Variants in IL18R1 observed in about 807,000 individuals in gnomAD.
IL18R1 encodes the protein interleukin 18 receptor 1.
Under a neutral mutation model 48.5 loss-of-function variants are expected in IL18R1, and 40 were observed. The ratio of observed to expected loss-of-function variants is 0.82; its 90% CI spans 0.64 to 1.07. The LOEUF is 1.07. Ranked by LOEUF, IL18R1 falls within the 50% of genes least tolerant of loss-of-function variation. The probability of loss-of-function intolerance (pLI) is 0.00; values close to 1 mark genes in which losing one functional copy is unlikely to be tolerated. For synonymous variants in IL18R1, 232 were observed against 225.9 expected (o/e 1.03, Z -0.24); for missense variants, 596 against 633.7 (o/e 0.94, Z 0.64).
intron 5 of IL18R1, among the ~76,000 whole-genome samples, chr2:102,380,885 G>T (rs539007353): frequency 6.6e-6 from 1 of 152,350 alleles, no homozygotes; most frequent in South Asian, 2.1e-4. Context: ...GGATATCAGG[G>T]CTAACAATAA....
intron 6 of IL18R1, among the ~76,000 whole-genome samples, chr2:102,383,354 C>G (rs1680026387): frequency 6.6e-6 from 1 of 152,156 alleles, no homozygotes; most frequent in African/African-American, 2.4e-5. Flanking sequence ...AATCTTTTAT[C>G]TGCTTGTTCC....
rs1043692242 is a variant in IL18R1 at position 102,372,972 on chromosome 2, C to T, written c.468+854C>T. 3.9e-5 allele frequency among the ~76,000 whole-genome samples: 6 copies of T among 152,236 alleles called. No individual in the cohort carries two copies. In the East Asian group the frequency reaches 7.7e-4, roughly 20 times the overall value. On this transcript the variant is annotated intron_variant, in intron 4 of 10. Transcript: ENST00000233957. ...TTTTTCCTCACACTATCAAACTTGT[C>T]TCCAGGGAGCTCTGCCAATTTTACC...
At chr2:102,365,976 TA>T (rs1678871224) in intron 2 of IL18R1, among the ~76,000 whole-genome samples, 1 of 152,196 alleles carries the variant, frequency 6.6e-6, no homozygotes, top group African/African-American at 2.4e-5. Flanking sequence ...TTTTTCCTCT[TA>T]GGCCTCTGGG....
chr2:102,371,330 A>G (rs1679247815), intron 3 of IL18R1, among the ~76,000 whole-genome samples: 1 of 152,218 alleles, frequency 6.6e-6, no homozygotes, highest in African/African-American at 2.4e-5. Context: ...TGGCCTAGTG[A>G]TAGTCCTGAT....
At chr2:102,360,738 G>A (rs1444588333) in intron 1 of IL18R1, among the ~76,000 whole-genome samples, 2 of 152,120 alleles carry the variant, frequency 1.3e-5, no homozygotes, top group African/African-American at 4.8e-5. Flanking sequence ...AAGAGTTACG[G>A]AAAAGCAAAA....
At chr2:102,381,296 G>A (rs1373857275) in intron 5 of IL18R1, among the ~76,000 whole-genome samples, 1 of 152,210 alleles carries the variant, frequency 6.6e-6, no homozygotes, top group Non-Finnish European at 1.5e-5. Context: ...AATCGAGACA[G>A]GGCAGAAAGG....
chr2:102,375,330 A>T (rs1679511452), intron 4 of IL18R1, among the ~76,000 whole-genome samples: 1 of 152,196 alleles, frequency 6.6e-6, no homozygotes, highest in African/African-American at 2.4e-5. Flanking sequence ...TGTGTGAGAG[A>T]GAGAGAGATG....
intron 6 of IL18R1, 42 bp from the exon 7 acceptor site, chr2:102,384,836 T>C: frequency 6.2e-7 from 1 of 1,601,102 alleles, no homozygotes; most frequent in Non-Finnish European, 8.5e-7. Context: ...TTAAGAAACC[T>C]GAGTTTCAAA....
At chr2:102,362,969 G>T in intron 2 of IL18R1, 1 of 284,000 alleles carries the variant, frequency 3.5e-6, no homozygotes. Context: ...TTATTATTGG[G>T]TTTTAGGAAG....
At position 102,390,091 on chromosome 2, in the gene IL18R1, A is replaced by G. The variant is rs1276685757; in HGVS notation, c.985A>G (p.Arg329Gly). ...TGATATCCCAGGCCACGTCTTCACA[A>G]GAGGAATGATCATAGCTGTTTTGAT... ...MADIPGHVFT[R>G]GMIIAVLILV... The change falls in exon 9 of 11, where the codon AGA becomes GGA. Residue 329 changes from arginine to glycine, a missense_variant. This residue lies in a region of IL18R1 where 57 missense variants were observed against 88.2 expected (regional missense o/e 0.65). Transcript: ENST00000233957. 1.2e-6 allele frequency: 2 copies of G among 1,614,092 alleles called. No homozygotes were observed. Among genetic ancestry groups the G allele is most frequent in the Admixed American group, 1.7e-5 (1 of 60,028 alleles).
At chr2:102,360,696 A>G (rs1036235040) in intron 1 of IL18R1, among the ~76,000 whole-genome samples, 4 of 152,238 alleles carry the variant, frequency 2.6e-5, no homozygotes, top group African/African-American at 9.6e-5. Context: ...ATTGCTTTGG[A>G]AATCAGAAAA....
At chr2:102,357,190 G>T (rs1678300161) in intron 1 of IL18R1, among the ~76,000 whole-genome samples, 1 of 152,192 alleles carries the variant, frequency 6.6e-6, no homozygotes, top group African/African-American at 2.4e-5. Context: ...CAAAGGCTGA[G>T]AACTAAGGCT....
At chr2:102,363,572 G>A (rs942609724) in intron 2 of IL18R1, among the ~76,000 whole-genome samples, 1 of 152,088 alleles carries the variant, frequency 6.6e-6, no homozygotes, top group Non-Finnish European at 1.5e-5. Context: ...GAAAAGCAAG[G>A]TACAGGAAAA....
intron 1 of IL18R1, among the ~76,000 whole-genome samples, chr2:102,359,520 C>T (rs1387952818): frequency 6.6e-6 from 1 of 152,156 alleles, no homozygotes; most frequent in Non-Finnish European, 1.5e-5. Flanking sequence ...AGAGATGGTT[C>T]ATAAACATGA....
intron 1 of IL18R1, among the ~76,000 whole-genome samples, chr2:102,360,725 CTT>C (rs1170540345): frequency 1.3e-5 from 2 of 152,032 alleles, no homozygotes; most frequent in Non-Finnish European, 2.9e-5. Flanking sequence ...AAGAAAGAAA[CTT>C]AAGAGTTACG....
chr2:102,385,046 A>G (rs1457854001), intron 7 of IL18R1, 48 bp downstream of exon 7: 3 of 965,618 alleles, frequency 3.1e-6, no homozygotes, highest in Non-Finnish European at 4.6e-6. Context: ...TATAACAATC[A>G]TATATATTAT....
intron 5 of IL18R1, among the ~76,000 whole-genome samples, chr2:102,377,241 T>A (rs1679642721): frequency 6.6e-6 from 1 of 152,254 alleles, no homozygotes; most frequent in Admixed American, 6.5e-5. Context: ...GTGTCTTCGG[T>A]AAAATCAAGG....
intron 9 of IL18R1, among the ~76,000 whole-genome samples, chr2:102,390,757 C>T (rs1045366034): frequency 6.6e-6 from 1 of 151,756 alleles, no homozygotes; most frequent in Admixed American, 6.6e-5. Flanking sequence ...CAGAGTGAAA[C>T]CCTGTCTCTA....
At chr2:102,361,994 A>G (rs968486936) in intron 1 of IL18R1, among the ~76,000 whole-genome samples, 1 of 152,204 alleles carries the variant, frequency 6.6e-6, no homozygotes, top group Admixed American at 6.5e-5. Flanking sequence ...GCAGCCACAG[A>G]CACACGCGAA....
Sources: gnomAD v4.1 joint callset for allele counts (sites outside exome capture counted in the v4.1 genomes callset) on GRCh38, gnomAD v4.1.1 for gene constraint, gnomAD v4.1.1 regional missense constraint, MANE v1.5 for transcripts, NCBI Gene and HGNC (gene_info 2026-07-23, HGNC 2026-07-21) for gene names.